SUCLG2: variants seen among roughly 807,000 people sequenced by gnomAD.
SUCLG2 encodes succinate-CoA ligase GDP-forming subunit beta.
SUCLG2 carries 42 observed loss-of-function variants against 47.9 expected under a neutral mutation model. That is an observed-to-expected ratio of 0.88 (90% CI 0.69 to 1.14). The LOEUF is 1.14. Ranked by LOEUF, SUCLG2 falls within the 50% of genes most tolerant of loss-of-function variation. SUCLG2 has a pLI of 0.00. For synonymous variants in SUCLG2, 195 were observed against 197.3 expected (o/e 0.99, Z 0.10); for missense variants, 571 against 525.9 (o/e 1.09, Z -0.84).
chr3:67,401,046 C>G (rs1192035416), intron 9 of SUCLG2, among the ~76,000 whole-genome samples, 195 bp from the exon 10 acceptor site: 1 of 152,070 alleles, frequency 6.6e-6, no homozygotes, highest in Non-Finnish European at 1.5e-5. Flanking sequence ...ATAAATATCA[C>G]AATATAACAT....
chr3:67,495,784 A>G lies in SUCLG2; in HGVS notation c.1062+14T>C, dbSNP rs764001677. ...AAAACTGGCATATAATCTCCCTACA[A>G]AGAGAAAGGTTACCTTAGGATCAGC... is the stretch of plus-strand genomic sequence containing the variant. On this transcript the variant is annotated intron_variant, in intron 9 of 10. Transcript: ENST00000307227. The G allele has an allele frequency of 6.2e-7, 1 of 1,613,020 alleles. No individual in the cohort carries two copies. Among genetic ancestry groups the G allele is most frequent in the South Asian group, 1.1e-5 (1 of 91,046 alleles).
intron 1 of SUCLG2, among the ~76,000 whole-genome samples, chr3:67,632,931 T>C (rs1280064899): frequency 6.6e-6 from 1 of 151,932 alleles, no homozygotes; most frequent in African/African-American, 2.4e-5. Flanking sequence ...AACTATCACA[T>C]CACCATAATC....
chr3:67,368,652 C>T (rs544961986), intron 10 of SUCLG2, among the ~76,000 whole-genome samples: 2 of 152,132 alleles, frequency 1.3e-5, no homozygotes, highest in South Asian at 4.1e-4. Flanking sequence ...GTTACCCAGG[C>T]TGGAGTGCAA....
chr3:67,448,574 A>T (rs1703981721), intron 9 of SUCLG2, among the ~76,000 whole-genome samples: 1 of 152,182 alleles, frequency 6.6e-6, no homozygotes, highest in African/African-American at 2.4e-5. Context: ...TAGTAGAGAC[A>T]GGGTTTTGCC....
intron 2 of SUCLG2, among the ~76,000 whole-genome samples, chr3:67,555,007 T>C (rs1707120032): frequency 6.6e-6 from 1 of 152,078 alleles, no homozygotes. Flanking sequence ...GACACGGTAG[T>C]AGCATATCTG....
chr3:67,453,673 C>G (rs992629288), intron 9 of SUCLG2, among the ~76,000 whole-genome samples: 1 of 152,148 alleles, frequency 6.6e-6, no homozygotes, highest in Non-Finnish European at 1.5e-5. Flanking sequence ...GGCTACAAAT[C>G]AGGAAGTAAG....
chr3:67,394,477 G>T (rs1386511947), intron 10 of SUCLG2, among the ~76,000 whole-genome samples: 1 of 148,028 alleles, frequency 6.8e-6, no homozygotes, highest in East Asian at 2.0e-4. Context: ...AGAGAAAAAA[G>T]AATAAAAAGA....
At chr3:67,636,794 C>T (rs569098864) in intron 1 of SUCLG2, among the ~76,000 whole-genome samples, 1 of 150,414 alleles carries the variant, frequency 6.6e-6, no homozygotes, top group African/African-American at 2.5e-5. Flanking sequence ...CCATGCCTGG[C>T]TGGCAGTATC....
chr3:67,545,489 G>A (rs1472417212), intron 2 of SUCLG2, among the ~76,000 whole-genome samples: 1 of 152,150 alleles, frequency 6.6e-6, no homozygotes, highest in Non-Finnish European at 1.5e-5. Flanking sequence ...TTTATTGCCT[G>A]TCTTGATGCA....
chr3:67,620,596 A>AAAAAAAC (rs1700718855), intron 1 of SUCLG2, among the ~76,000 whole-genome samples: 1 of 151,342 alleles, frequency 6.6e-6, no homozygotes, highest in Non-Finnish European at 1.5e-5. Flanking sequence ...AAAAAAAAAA[A>AAAAAAAC]AAAAAAAGAA....
At chr3:67,373,264 A>T (rs1701976837), downstream of SUCLG2, among the ~76,000 whole-genome samples, 1 of 150,552 alleles carries the variant, frequency 6.6e-6, no homozygotes, top group South Asian at 2.1e-4. Context: ...TCTTAATGAC[A>T]TTTTTTTTTT....
chr3:67,362,208 A>T (rs1406426740), intron 10 of SUCLG2, among the ~76,000 whole-genome samples: 1 of 152,206 alleles, frequency 6.6e-6, no homozygotes, highest in Non-Finnish European at 1.5e-5. Flanking sequence ...CTCCAGCAAC[A>T]TTAGACTTAT....
chr3:67,432,925 A>G (rs1703522840), intron 9 of SUCLG2, among the ~76,000 whole-genome samples: 1 of 152,232 alleles, frequency 6.6e-6, no homozygotes, highest in Non-Finnish European at 1.5e-5. Flanking sequence ...GAGGAACTCC[A>G]TACTCTTTTA....
At chr3:67,453,771 C>A (rs1368468095) in intron 9 of SUCLG2, among the ~76,000 whole-genome samples, 1 of 152,110 alleles carries the variant, frequency 6.6e-6, no homozygotes, top group Non-Finnish European at 1.5e-5. Context: ...CTTTGGCTCC[C>A]AAGAAGGCAA....
At chr3:67,365,779 T>G (rs557970204) in intron 10 of SUCLG2, among the ~76,000 whole-genome samples, 86 of 152,312 alleles carry the variant, frequency 5.6e-4, no homozygotes, top group Non-Finnish European at 1.0e-3. Flanking sequence ...TTCTTGACGA[T>G]TTTTAAACTT....
intron 9 of SUCLG2, chr3:67,408,491 G>A: frequency 2.2e-6 from 1 of 459,164 alleles, no homozygotes; most frequent in Non-Finnish European, 2.9e-6. Context: ...CAACTTCTCT[G>A]AACTGATAGC....
intron 2 of SUCLG2, among the ~76,000 whole-genome samples, chr3:67,582,810 G>A (rs1707916164): frequency 6.6e-6 from 1 of 151,906 alleles, no homozygotes; most frequent in Non-Finnish European, 1.5e-5. Flanking sequence ...TAGCCATTCT[G>A]ACTGACTACA....
chr3:67,480,337 T>A (rs1319103652), intron 9 of SUCLG2, among the ~76,000 whole-genome samples: 1 of 152,218 alleles, frequency 6.6e-6, no homozygotes, highest in Admixed American at 6.5e-5. Context: ...ACGAGAATCA[T>A]CTAGAAGGCT....
intron 2 of SUCLG2, among the ~76,000 whole-genome samples, chr3:67,577,465 G>A (rs1347915905): frequency 1.3e-5 from 2 of 152,092 alleles, no homozygotes; most frequent in Non-Finnish European, 2.9e-5. Context: ...AAAACGAATT[G>A]CACTAAGTAA....
Sources: allele counts gnomAD v4.1 joint callset (sites outside exome capture counted in the v4.1 genomes callset), GRCh38; gene constraint gnomAD v4.1.1; transcripts MANE v1.5; gene names NCBI Gene and HGNC (gene_info 2026-07-23, HGNC 2026-07-21).